The following RGS6 variants were observed in gnomAD, a reference collection of about 807,000 sequenced individuals.
RGS6 encodes the protein regulator of G-protein signaling 6.
In RGS6, 30 loss-of-function variants were observed where a neutral mutation model predicts 78.5. The ratio of observed to expected loss-of-function variants is 0.38; its 90% CI spans 0.29 to 0.52. RGS6 has a LOEUF of 0.52. Ranked by LOEUF, RGS6 falls within the 20% of genes least tolerant of loss-of-function variation. The probability of loss-of-function intolerance (pLI) is 0.85; values close to 1 mark genes in which losing one functional copy is unlikely to be tolerated. For missense variants in RGS6, 495 were observed against 609.7 expected, an observed-to-expected ratio of 0.81 and a Z score of 1.98; for synonymous variants, 206 against 206.0, an observed-to-expected ratio of 1.00 and a Z score of 0.00.
intron 2 of RGS6, among the ~76,000 whole-genome samples, chr14:72,258,345 G>T (rs1025436695): frequency 6.6e-5 from 10 of 152,316 alleles, no homozygotes; most frequent in Admixed American, 3.3e-4. Context: ...TCCACGTCTA[G>T]CCCATTAATT....
chr14:72,213,867 G>A (rs1476800718), intron 2 of RGS6, among the ~76,000 whole-genome samples: 1 of 152,126 alleles, frequency 6.6e-6, no homozygotes, highest in Non-Finnish European at 1.5e-5. Context: ...GTCTAGGTTT[G>A]TTTTTATTTG....
chr14:72,441,847 C>A (rs922697703), intron 3 of RGS6, among the ~76,000 whole-genome samples: 2 of 152,334 alleles, frequency 1.3e-5, no homozygotes, highest in Admixed American at 6.5e-5. Flanking sequence ...ATAGGAGGCC[C>A]CCAGCAGTGG....
chr14:72,295,240 G>A (rs1461307106), intron 2 of RGS6, among the ~76,000 whole-genome samples: 10 of 148,914 alleles, frequency 6.7e-5, no homozygotes, highest in Admixed American at 2.0e-4. Context: ...GCAGTGAGCC[G>A]AGATCCCGCC....
chr14:72,108,187 A>G (rs1442865441), intron 2 of RGS6, among the ~76,000 whole-genome samples: 3 of 152,034 alleles, frequency 2.0e-5, no homozygotes, highest in Non-Finnish European at 4.4e-5. Context: ...CTTAATGTTC[A>G]TTTTTGCTTG....
chr14:72,250,761 CG>C (rs999883586), intron 2 of RGS6, among the ~76,000 whole-genome samples: 71 of 152,238 alleles, frequency 4.7e-4, no homozygotes, highest in African/African-American at 1.7e-3. Context: ...TGGTCAAATA[CG>C]TGAGCAGATG....
At chr14:72,183,359 T>A (rs2153702821) in intron 2 of RGS6, among the ~76,000 whole-genome samples, 1 of 152,336 alleles carries the variant, frequency 6.6e-6, no homozygotes, top group East Asian at 1.9e-4. Context: ...TGCATGTAGA[T>A]CCAAGACCCA....
intron 17 of RGS6, among the ~76,000 whole-genome samples, chr14:72,553,650 T>A (rs1327023649): frequency 6.6e-6 from 1 of 152,152 alleles, no homozygotes; most frequent in African/African-American, 2.4e-5. Context: ...GCAGATAACA[T>A]CCTTAGATAT....
At chr14:72,117,056 G>T (rs2095909790) in intron 2 of RGS6, among the ~76,000 whole-genome samples, 2 of 151,770 alleles carry the variant, frequency 1.3e-5, no homozygotes, top group South Asian at 2.1e-4. Flanking sequence ...TGCCGAGGAA[G>T]GGCCTTTGAT....
chr14:71,993,345 C>A (rs1325745718), intron 2 of RGS6, among the ~76,000 whole-genome samples: 1 of 152,074 alleles, frequency 6.6e-6, no homozygotes, highest in Non-Finnish European at 1.5e-5. Context: ...AGATGGAATT[C>A]ATTTTCCAAT....
chr14:71,868,068 C>T, the RGS6 span, among the ~76,000 whole-genome samples: 3 of 152,188 alleles, frequency 2.0e-5, no homozygotes, highest in Admixed American at 6.5e-5. Context: ...AAGGGTCAAA[C>T]GTCCACCGGC....
chr14:72,235,489 T>C (rs916671112), intron 2 of RGS6, among the ~76,000 whole-genome samples: 2 of 152,240 alleles, frequency 1.3e-5, no homozygotes, highest in Non-Finnish European at 2.9e-5. Context: ...AATATCTTTA[T>C]AGATAATATC....
At chr14:72,457,700 C>T (rs545420159) in intron 4 of RGS6, among the ~76,000 whole-genome samples, 17 of 152,328 alleles carry the variant, frequency 1.1e-4, no homozygotes, top group Admixed American at 5.9e-4. Flanking sequence ...TCTGTCACTG[C>T]CCACTTCAGT....
intron 2 of RGS6, among the ~76,000 whole-genome samples, chr14:72,019,393 G>A (rs2087855469): frequency 6.6e-6 from 1 of 152,198 alleles, no homozygotes; most frequent in Admixed American, 6.5e-5. Flanking sequence ...ATGCTTGTCT[G>A]TGAGAATTAG....
At chr14:72,117,634 A>T (rs1432009951) in intron 2 of RGS6, among the ~76,000 whole-genome samples, 1 of 152,180 alleles carries the variant, frequency 6.6e-6, no homozygotes, top group South Asian at 2.1e-4. Flanking sequence ...AGAGGAGGGC[A>T]TGGGGTAGGG....
chr14:71,995,597 C>T (rs1176433476), intron 2 of RGS6, among the ~76,000 whole-genome samples: 4 of 152,152 alleles, frequency 2.6e-5, no homozygotes, highest in Admixed American at 2.0e-4. Context: ...AATAATGGTG[C>T]TCGCCTCATA....
At chr14:72,438,321 C>T (rs774143834) in intron 3 of RGS6, among the ~76,000 whole-genome samples, 14 of 152,074 alleles carry the variant, frequency 9.2e-5, no homozygotes, top group Non-Finnish European at 1.5e-4. Flanking sequence ...CCTTGGGTGA[C>T]CTCATCCAGC....
At chr14:72,535,614 G>A (rs890275350) in intron 15 of RGS6, among the ~76,000 whole-genome samples, 4 of 152,084 alleles carry the variant, frequency 2.6e-5, no homozygotes, top group East Asian at 1.9e-4. Flanking sequence ...ACTTTATCAC[G>A]TGTTAAGATG....
At chr14:72,110,926 C>T (rs906330007) in intron 2 of RGS6, among the ~76,000 whole-genome samples, 6 of 152,144 alleles carry the variant, frequency 3.9e-5, no homozygotes, top group Non-Finnish European at 7.4e-5. Context: ...TTGCCTCACT[C>T]TGATCCCTCT....
chr14:72,309,888 G>A (rs2068129423), intron 2 of RGS6, among the ~76,000 whole-genome samples: 1 of 152,198 alleles, frequency 6.6e-6, no homozygotes, highest in Admixed American at 6.5e-5. Flanking sequence ...GACATATTCT[G>A]GGTAGTGTGG....
Sources: gnomAD v4.1 joint callset for allele counts (sites outside exome capture counted in the v4.1 genomes callset) on GRCh38, gnomAD v4.1.1 for gene constraint, MANE v1.5 for transcripts, NCBI Gene and HGNC (gene_info 2026-07-23, HGNC 2026-07-21) for gene names.